TBC1D31: variants seen among roughly 807,000 people sequenced by gnomAD.
TBC1D31 encodes the protein TBC1 domain family member 31.
Under a neutral mutation model 132.9 loss-of-function variants are expected in TBC1D31, and 99 were observed. That is an observed-to-expected ratio of 0.74 (90% CI 0.63 to 0.88). The LOEUF (loss-of-function observed/expected upper bound fraction) is 0.88. TBC1D31 is among the 40% of genes least tolerant of loss of function. The probability of loss-of-function intolerance (pLI) is 0.00; values close to 1 mark genes in which losing one functional copy is unlikely to be tolerated. For synonymous variants in TBC1D31, 385 were observed against 419.4 expected, an observed-to-expected ratio of 0.92 and a Z score of 1.00; for missense variants, 1,134 against 1,256.6, an observed-to-expected ratio of 0.90 and a Z score of 1.48.
chr8:123,074,533 A>G (rs1814288273), intron 1 of TBC1D31, among the ~76,000 whole-genome samples: 1 of 152,226 alleles, frequency 6.6e-6, no homozygotes, highest in African/African-American at 2.4e-5. Flanking sequence ...CACCTCTGGT[A>G]TTCTCTAAAC....
chr8:123,132,048 A>G (rs1407197676), intron 16 of TBC1D31, among the ~76,000 whole-genome samples: 1 of 152,214 alleles, frequency 6.6e-6, no homozygotes, highest in Non-Finnish European at 1.5e-5. Context: ...CCATTTGTTG[A>G]CTATTATCCA....
At chr8:123,116,633 C>G (rs1175495953) in intron 10 of TBC1D31, among the ~76,000 whole-genome samples, 1 of 151,666 alleles carries the variant, frequency 6.6e-6, no homozygotes, top group Admixed American at 6.6e-5. Flanking sequence ...ACAATGACAC[C>G]CTGGTAACAG....
At position 123,115,518 on chromosome 8, in the gene TBC1D31, TACC is replaced by T. The variant is rs201819712; in HGVS notation, c.1437-4534_1437-4532del. On this transcript the variant is annotated intron_variant, in intron 10 of 21. Transcript: ENST00000287380. Reference sequence around the variant, plus strand: ...GTTCTCTATTGCTGCTATAACAAATTACCACACATGTAGTGGCTTAAAAACAAC... The same window carrying T: ...GTTCTCTATTGCTGCTATAACAAATTACACATGTAGTGGCTTAAAAACAAC... Among the ~76,000 whole-genome samples, 1,239 of 152,332 alleles carry T rather than the reference TACC, an allele frequency of 8.1e-3. 63 individuals are homozygous for T. Among genetic ancestry groups the T allele is most frequent in the Admixed American group, 0.064 (972 of 15,294 alleles).
chr8:123,099,309 A>G (rs1392295010), intron 6 of TBC1D31, among the ~76,000 whole-genome samples: 2 of 151,846 alleles, frequency 1.3e-5, no homozygotes. Flanking sequence ...TTTAGTAGAG[A>G]CGGGGTTTCA....
chr8:123,092,808 A>ATTTTT (rs71573666), intron 4 of TBC1D31, among the ~76,000 whole-genome samples: 3 of 103,530 alleles, frequency 2.9e-5, no homozygotes, highest in Non-Finnish European at 3.7e-5. Flanking sequence ...CACCCGGCTA[A>ATTTTT]TTTTTTTTTT....
chr8:123,123,884 A>T (rs138849739), intron 11 of TBC1D31, among the ~76,000 whole-genome samples: 1 of 152,180 alleles, frequency 6.6e-6, no homozygotes, highest in African/African-American at 2.4e-5. Flanking sequence ...TTTCAATAGG[A>T]TTAACTTCGC....
chr8:123,076,157 T>C (rs938206439), intron 1 of TBC1D31, among the ~76,000 whole-genome samples: 8 of 152,154 alleles, frequency 5.3e-5, no homozygotes, highest in African/African-American at 1.4e-4. Flanking sequence ...AGGAGTGCGG[T>C]GGCATGATCA....
At chr8:123,093,939 C>T (rs1816601311) in intron 5 of TBC1D31, among the ~76,000 whole-genome samples, 197 bp downstream of exon 5, 1 of 151,996 alleles carries the variant, frequency 6.6e-6, no homozygotes, top group Non-Finnish European at 1.5e-5. Context: ...ATACATGAAC[C>T]CCTAAGAATT....
In TBC1D31 at chr8:123,105,358, T is replaced by G. The variant is rs200917678; in HGVS notation, c.1103T>G (p.Met368Arg). The G allele has an allele frequency of 2.3e-5, 37 of 1,611,048 alleles. No individual in the cohort carries two copies. In the East Asian group the frequency reaches 3.6e-4, roughly 16 times the overall value. ...AAACTGAGTTCCAGTGATCTTAAGA[T>G]GAAAGTAACATCAGGGAGAGTACAG... ...KNKLSSSDLKMKVTSGRVQQP... is the reference protein window; with the variant it reads ...KNKLSSSDLKRKVTSGRVQQP... Residue 368 changes from methionine to arginine, a missense_variant, in exon 8 of 22, where the codon ATG (methionine) becomes AGG (arginine). Physicochemically the swap from Met to Arg is moderately conservative, Grantham distance 91. Transcript: ENST00000287380.
Position 123,150,120 on chromosome 8 carries a change from C to G in TBC1D31, c.3059C>G (p.Ser1020Ter). 1.2e-6 allele frequency: 2 copies of G among 1,611,182 alleles called. No homozygotes were observed. Among genetic ancestry groups the G allele is most frequent in the Non-Finnish European group, 8.5e-7 (1 of 1,177,368 alleles). The change falls in exon 21 of 22, where the codon TCA (serine) becomes TGA (stop). Residue 1020 changes from serine to a stop codon, truncating the protein, a stop_gained. Transcript: ENST00000287380. LOFTEE classifies it low-confidence loss of function (END_TRUNC). ...QLNDSSEMDP[S>*]TQISLNRRAV... ...AATGACTCTTCTGAAATGGATCCCT[C>G]AACACAGAGTAAGTTGATAAGCAAG... is the stretch of plus-strand genomic sequence containing the variant.
intron 4 of TBC1D31, among the ~76,000 whole-genome samples, chr8:123,088,438 C>T (rs1816001491): frequency 6.6e-6 from 1 of 152,042 alleles, no homozygotes; most frequent in Non-Finnish European, 1.5e-5. Flanking sequence ...AAAAAGTGAC[C>T]ATTCTTAGCT....
In TBC1D31 at chr8:123,100,844, T is replaced by G. The variant is rs1431848913; in HGVS notation, c.869T>G (p.Phe290Cys). ...CTAAGTCAAGATGGTATTATGAGAT[T>G]TATCAATATGCAGACTTGTAAACTT... ...GVLSQDGIMR[F>C]INMQTCKLLF... Residue 290 changes from phenylalanine to cysteine, a missense_variant, in exon 7 of 22, where the codon TTT (phenylalanine) becomes TGT (cysteine). Physicochemically the swap from Phe to Cys is radical, Grantham distance 205. Coordinates refer to ENST00000287380, the MANE Select transcript of TBC1D31 (RefSeq NM_145647.4). The G allele has an allele frequency of 6.2e-7, 1 of 1,613,836 alleles. No homozygotes were observed. The highest frequency in any genetic ancestry group is 1.3e-5 in the African/African-American group (1 of 74,914).
At position 123,084,336 on chromosome 8, in the gene TBC1D31, A is replaced by C; in HGVS notation, c.515A>C (p.Gln172Pro). ...AATATTCGCCAGTCTGTGGGTATAC[A>C]GAAGGTCAGTGAGGGGGTACATCTT... The part of the protein sequence containing the change: ...KLNIRQSVGI[Q>P]KVFFLPLSNT... The change falls in exon 4 of 22, where the codon CAG becomes CCG. Residue 172 changes from glutamine (Q) to proline (P), a missense_variant. By Grantham distance (76) the Gln-to-Pro change is moderately conservative. Coordinates refer to ENST00000287380, the MANE Select transcript of TBC1D31 (RefSeq NM_145647.4). 2 of 1,613,968 alleles carry C rather than the reference A, an allele frequency of 1.2e-6. No individual in the cohort carries two copies. The highest frequency in any genetic ancestry group is 8.5e-7 in the Non-Finnish European group (1 of 1,179,884).
At chr8:123,077,729 T>C (rs916446133) in intron 2 of TBC1D31, among the ~76,000 whole-genome samples, 2 of 152,100 alleles carry the variant, frequency 1.3e-5, no homozygotes, top group African/African-American at 4.8e-5. Flanking sequence ...ATTGTTGTTG[T>C]GGGGTGCCAG....
At chr8:123,154,037 C>G (rs965259301), downstream of TBC1D31, among the ~76,000 whole-genome samples, 1 of 152,202 alleles carries the variant, frequency 6.6e-6, no homozygotes, top group Non-Finnish European at 1.5e-5. Context: ...GAGTTTTTCT[C>G]TAGTATGAAT....
intron 3 of TBC1D31, 181 bp downstream of exon 3, chr8:123,082,998 C>G: frequency 1.8e-6 from 1 of 546,844 alleles, no homozygotes; most frequent in Non-Finnish European, 3.2e-6. Context: ...ACTACAAAGT[C>G]AGGGTTTCCT....
Position 123,077,264 on chromosome 8 carries a change from A to G in TBC1D31, c.224+7A>G, listed in dbSNP as rs1361625357. On this transcript the variant is annotated splice_region_variant and intron_variant, in intron 2 of 21. Transcript: ENST00000287380. ...TTGACTTACATGGAAACAGGTAAGC[A>G]GATACCATTGATATCTACGTTCTTT... is the stretch of plus-strand genomic sequence containing the variant. 6.2e-7 allele frequency: 1 copy of G among 1,603,240 alleles called. No individual in the cohort carries two copies. Among genetic ancestry groups the G allele is most frequent in the African/African-American group, 1.3e-5 (1 of 74,254 alleles).
At chr8:123,076,337 T>C (rs1181657756) in intron 1 of TBC1D31, among the ~76,000 whole-genome samples, 4 of 93,562 alleles carry the variant, frequency 4.3e-5, no homozygotes, top group Non-Finnish European at 9.4e-5. Context: ...TAATTGTGTG[T>C]ATGTGTGTGT....
intron 11 of TBC1D31, 96 bp downstream of exon 11, chr8:123,120,284 G>A (rs1819344838): frequency 1.0e-6 from 1 of 1,004,450 alleles, no homozygotes; most frequent in African/African-American, 1.6e-5. Flanking sequence ...AATTCTAGAT[G>A]TCTCTACTTT....
Sources: gnomAD v4.1 joint callset for allele counts (sites outside exome capture counted in the v4.1 genomes callset) on GRCh38, gnomAD v4.1.1 for gene constraint, MANE v1.5 for transcripts, NCBI Gene and HGNC (gene_info 2026-07-23, HGNC 2026-07-21) for gene names.